Variants in MRTFA observed in about 807,000 individuals in gnomAD.
The protein encoded by MRTFA is myocardin related transcription factor A.
MRTFA carries 20 observed loss-of-function variants against 83.5 expected under a neutral mutation model. That is an observed-to-expected ratio of 0.24 (90% CI 0.17 to 0.35). The LOEUF (loss-of-function observed/expected upper bound fraction) is 0.35, where lower values mean the gene tolerates loss of function less well. Among genes scored for constraint, MRTFA ranks in the 10% least tolerant of loss-of-function variants. MRTFA has a pLI of 1.00. For synonymous variants in MRTFA, 659 were observed against 541.2 expected (o/e 1.22, Z -3.02); for missense variants, 1,200 against 1,224.7 (o/e 0.98, Z 0.30).
At chr22:40,502,453 T>C (rs1357155018) in intron 3 of MRTFA, among the ~76,000 whole-genome samples, 4 of 128,400 alleles carry the variant, frequency 3.1e-5, no homozygotes, top group Non-Finnish European at 6.6e-5. Context: ...TCCCCACATC[T>C]CAGACGATGG....
At chr22:40,608,669 C>A (rs1441619076) in intron 1 of MRTFA, among the ~76,000 whole-genome samples, 1 of 152,298 alleles carries the variant, frequency 6.6e-6, no homozygotes, top group East Asian at 1.9e-4. Context: ...ACTTTCCATT[C>A]ATTCATTCAT....
intron 7 of MRTFA, among the ~76,000 whole-genome samples, chr22:40,425,449 A>G (rs1239177779): frequency 6.6e-6 from 1 of 152,218 alleles, no homozygotes; most frequent in Non-Finnish European, 1.5e-5. Flanking sequence ...ACAAAGCGCA[A>G]CAGCTCAGGC....
intron 6 of MRTFA, among the ~76,000 whole-genome samples, chr22:40,429,989 C>G (rs12157868): frequency 6.6e-6 from 1 of 152,082 alleles, no homozygotes; most frequent in Non-Finnish European, 1.5e-5. Context: ...ACAATTATAA[C>G]CAGGCAGAGG....
chr22:40,583,212 T>C (rs2055976635), intron 2 of MRTFA, among the ~76,000 whole-genome samples: 1 of 152,150 alleles, frequency 6.6e-6, no homozygotes, highest in African/African-American at 2.4e-5. Flanking sequence ...TGACAGCTCA[T>C]TAGCATTTCA....
chr22:40,583,919 C>T (rs1214552374), intron 2 of MRTFA, among the ~76,000 whole-genome samples: 1 of 152,174 alleles, frequency 6.6e-6, no homozygotes, highest in East Asian at 1.9e-4. Context: ...ACAGAAAGTG[C>T]ACAGGACGAG....
At chr22:40,560,409 C>T (rs2055596020) in intron 2 of MRTFA, among the ~76,000 whole-genome samples, 2 of 152,102 alleles carry the variant, frequency 1.3e-5, no homozygotes, top group Non-Finnish European at 2.9e-5. Flanking sequence ...AAAATATACA[C>T]ATTGGATTTA....
chr22:40,442,632 C>A (rs1176390365), intron 4 of MRTFA, among the ~76,000 whole-genome samples: 1 of 148,290 alleles, frequency 6.7e-6, no homozygotes, highest in Non-Finnish European at 1.5e-5. Context: ...GGTCCCAGTC[C>A]TCAAAAAGAT....
intron 3 of MRTFA, among the ~76,000 whole-genome samples, chr22:40,487,379 G>A (rs2054190766): frequency 6.6e-6 from 1 of 152,134 alleles, no homozygotes; most frequent in Non-Finnish European, 1.5e-5. Context: ...TTGACCCTAT[G>A]AGCCAGAACT....
intron 3 of MRTFA, among the ~76,000 whole-genome samples, chr22:40,498,444 CA>C (rs2054400029): frequency 6.7e-6 from 1 of 150,366 alleles, no homozygotes; most frequent in African/African-American, 2.4e-5. Flanking sequence ...CTACCATGCC[CA>C]GCTGATTTTT....
intron 3 of MRTFA, among the ~76,000 whole-genome samples, chr22:40,464,893 C>A (rs760594964): frequency 6.6e-6 from 1 of 152,160 alleles, no homozygotes; most frequent in South Asian, 2.1e-4. Flanking sequence ...TACCTCCTCA[C>A]ACTCACACTC....
At chr22:40,468,168 T>C (rs562330402) in intron 3 of MRTFA, among the ~76,000 whole-genome samples, 1 of 152,182 alleles carries the variant, frequency 6.6e-6, no homozygotes, top group African/African-American at 2.4e-5. Context: ...AGGATGTTGA[T>C]AGGATTCGAG....
At chr22:40,457,253 T>C (rs966526374) in intron 4 of MRTFA, among the ~76,000 whole-genome samples, 3 of 151,876 alleles carry the variant, frequency 2.0e-5, no homozygotes, top group African/African-American at 4.8e-5. Flanking sequence ...TAATCTGAGC[T>C]ACTTGGGAGG....
chr22:40,420,186 G>A (rs528186373), intron 11 of MRTFA, among the ~76,000 whole-genome samples: 13 of 152,326 alleles, frequency 8.5e-5, no homozygotes, highest in Admixed American at 1.3e-4. Flanking sequence ...GAACCACCAC[G>A]AGGAAGCTGG....
chr22:40,560,480 G>A (rs779950736), intron 2 of MRTFA, among the ~76,000 whole-genome samples: 12 of 152,102 alleles, frequency 7.9e-5, no homozygotes, highest in Non-Finnish European at 1.2e-4. Flanking sequence ...ATAAAATCTC[G>A]TAAACTATGA....
intron 3 of MRTFA, among the ~76,000 whole-genome samples, chr22:40,502,135 G>C (rs1316860171): frequency 4.9e-5 from 7 of 143,166 alleles, no homozygotes; most frequent in African/African-American, 1.6e-4. Context: ...CCTCCCGGAC[G>C]GGGCGGCTGG....
intron 3 of MRTFA, among the ~76,000 whole-genome samples, chr22:40,477,306 C>A (rs971766764): frequency 6.6e-6 from 1 of 151,382 alleles, no homozygotes; most frequent in Non-Finnish European, 1.5e-5. Context: ...GCCGAGATCA[C>A]GCCACTGCCC....
intron 4 of MRTFA, among the ~76,000 whole-genome samples, chr22:40,440,849 C>T (rs1281897686): frequency 6.6e-6 from 1 of 152,072 alleles, no homozygotes; most frequent in Non-Finnish European, 1.5e-5. Flanking sequence ...CACGAGGAAG[C>T]AGAAAATAGG....
chr22:40,517,618 G>C (rs890985196), intron 3 of MRTFA, among the ~76,000 whole-genome samples: 1 of 152,154 alleles, frequency 6.6e-6, no homozygotes, highest in Non-Finnish European at 1.5e-5. Flanking sequence ...GCAATGTTGT[G>C]ATTTATAATA....
intron 4 of MRTFA, among the ~76,000 whole-genome samples, chr22:40,456,389 A>C (rs1488700840): frequency 6.6e-6 from 1 of 152,118 alleles, no homozygotes; most frequent in Non-Finnish European, 1.5e-5. Flanking sequence ...ATTGTTCAAT[A>C]AATAAAATTA....
Sources: allele counts gnomAD v4.1 joint callset (sites outside exome capture counted in the v4.1 genomes callset), GRCh38; gene constraint gnomAD v4.1.1; transcripts MANE v1.5; gene names NCBI Gene and HGNC (gene_info 2026-07-23, HGNC 2026-07-21).